RSPO2: variants seen among roughly 807,000 people sequenced by gnomAD.
RSPO2 encodes R-spondin-2.
A neutral mutation model predicts 30.9 loss-of-function variants in RSPO2; 14 were observed. The ratio of observed to expected loss-of-function variants is 0.45; its 90% CI spans 0.30 to 0.71. RSPO2 has a LOEUF of 0.71. Ranked by LOEUF, RSPO2 falls within the 30% of genes least tolerant of loss-of-function variation. The pLI is 0.08. For synonymous variants in RSPO2, 107 were observed against 96.4 expected (o/e 1.11, Z -0.64); for missense variants, 264 against 301.9 (o/e 0.87, Z 0.93).
intron 2 of RSPO2, among the ~76,000 whole-genome samples, chr8:108,020,628 T>A (rs1212591953): frequency 6.6e-6 from 1 of 152,236 alleles, no homozygotes; most frequent in African/African-American, 2.4e-5. Context: ...CTCTTTTTCA[T>A]ACATCTGTTT....
chr8:107,994,976 C>T (rs1814966146), intron 2 of RSPO2, among the ~76,000 whole-genome samples: 1 of 152,070 alleles, frequency 6.6e-6, no homozygotes, highest in Admixed American at 6.6e-5. Context: ...AGAGAGTCTT[C>T]CTTCTTCCCC....
At chr8:108,041,121 GAGA>G (rs767138575) in intron 2 of RSPO2, among the ~76,000 whole-genome samples, 14 of 147,524 alleles carry the variant, frequency 9.5e-5, no homozygotes, top group Non-Finnish European at 1.5e-4. Context: ...TTAAGCAATT[GAGA>G]AGGAGATCCC....
At chr8:108,032,182 AAGAAT>A (rs1327591081) in intron 2 of RSPO2, among the ~76,000 whole-genome samples, 3 of 152,188 alleles carry the variant, frequency 2.0e-5, no homozygotes, top group Admixed American at 1.3e-4. Context: ...ATAGGAAAAC[AAGAAT>A]AGAAAAGGAA....
intron 5 of RSPO2, among the ~76,000 whole-genome samples, chr8:107,945,178 G>A (rs1331401043): frequency 6.7e-6 from 1 of 148,904 alleles, no homozygotes; most frequent in African/African-American, 2.5e-5. Flanking sequence ...GCCAATCTAT[G>A]AGATTCAATT....
At chr8:107,901,236 C>A in intron 5 of RSPO2, 46 bp from the exon 6 acceptor site, 1 of 1,556,020 alleles carries the variant, frequency 6.4e-7, no homozygotes. Flanking sequence ...ATGGCTCTTT[C>A]TCTAGGAAAG....
At chr8:108,008,446 G>C (rs1171795151) in intron 2 of RSPO2, among the ~76,000 whole-genome samples, 2 of 151,888 alleles carry the variant, frequency 1.3e-5, no homozygotes, top group African/African-American at 2.4e-5. Flanking sequence ...CTCCACAAAG[G>C]GCAGAAGACA....
At chr8:107,983,594 C>T (rs758098469) in intron 3 of RSPO2, 1 of 1,595,874 alleles carries the variant, frequency 6.3e-7, no homozygotes, top group Admixed American at 1.7e-5. Flanking sequence ...GGAAGTAAAG[C>T]CCCAAAAGAC....
intron 5 of RSPO2, among the ~76,000 whole-genome samples, chr8:107,902,953 C>G (rs1382849191): frequency 6.6e-6 from 1 of 151,880 alleles, no homozygotes; most frequent in East Asian, 1.9e-4. Flanking sequence ...TTAATCCTAC[C>G]CCATGAAACC....
chr8:108,002,784 G>A (rs1159611211), intron 2 of RSPO2, among the ~76,000 whole-genome samples: 1 of 152,168 alleles, frequency 6.6e-6, no homozygotes, highest in Non-Finnish European at 1.5e-5. Context: ...TTTTACCACT[G>A]TGTTTTAAAA....
intron 2 of RSPO2, among the ~76,000 whole-genome samples, chr8:108,025,632 C>T (rs889198843): frequency 6.6e-6 from 1 of 152,018 alleles, no homozygotes; most frequent in Non-Finnish European, 1.5e-5. Context: ...CTCTAGCAAT[C>T]CTCCCACCTC....
chr8:107,983,850 T>C, intron 3 of RSPO2: 3 of 1,591,360 alleles, frequency 1.9e-6, no homozygotes, highest in Non-Finnish European at 2.6e-6. Flanking sequence ...CTGGCAGAAG[T>C]TTGCAGCAAA....
chr8:107,948,104 G>T (rs1026286192), intron 5 of RSPO2, among the ~76,000 whole-genome samples: 1 of 152,194 alleles, frequency 6.6e-6, no homozygotes, highest in Admixed American at 6.5e-5. Flanking sequence ...CTGTAACAAT[G>T]TCATCTTTAC....
chr8:107,988,932 T>G (rs1814745344), intron 3 of RSPO2, 124 bp downstream of exon 3: 3 of 901,054 alleles, frequency 3.3e-6, no homozygotes, highest in Non-Finnish European at 4.8e-6. Flanking sequence ...CCAGCAAGCT[T>G]AAACTATTTC....
At chr8:108,077,928 G>A (rs901621827) in intron 2 of RSPO2, among the ~76,000 whole-genome samples, 3 of 152,178 alleles carry the variant, frequency 2.0e-5, no homozygotes, top group African/African-American at 7.2e-5. Context: ...AATAAAATCT[G>A]TCTGTCCCCT....
intron 2 of RSPO2, among the ~76,000 whole-genome samples, chr8:108,014,102 A>G (rs547119210): frequency 2.5e-4 from 38 of 152,318 alleles, no homozygotes; most frequent in African/African-American, 9.1e-4. Context: ...CCTCATCATC[A>G]CTGGTCATTA....
At chr8:107,969,791 C>A (rs952449824) in intron 3 of RSPO2, among the ~76,000 whole-genome samples, 8 of 152,124 alleles carry the variant, frequency 5.3e-5, no homozygotes, top group Non-Finnish European at 7.4e-5. Flanking sequence ...TATCTCATAT[C>A]AGATTTTAAA....
intron 5 of RSPO2, among the ~76,000 whole-genome samples, chr8:107,908,035 A>G (rs1364417297): frequency 6.6e-6 from 1 of 152,144 alleles, no homozygotes; most frequent in Admixed American, 6.6e-5. Context: ...TTACAAATGA[A>G]CTGTATTCAG....
At chr8:107,995,668 T>C (rs1296569474) in intron 2 of RSPO2, among the ~76,000 whole-genome samples, 4 of 152,128 alleles carry the variant, frequency 2.6e-5, no homozygotes, top group Non-Finnish European at 4.4e-5. Context: ...ACAATTCCAA[T>C]AGCCTAGGTT....
At chr8:107,989,919 T>G (rs1344888979) in intron 2 of RSPO2, among the ~76,000 whole-genome samples, 3 of 152,090 alleles carry the variant, frequency 2.0e-5, no homozygotes, top group African/African-American at 7.2e-5. Context: ...TACCTTAACA[T>G]CAAGATGAAC....
Sources: allele counts gnomAD v4.1 joint callset (sites outside exome capture counted in the v4.1 genomes callset), GRCh38; gene constraint gnomAD v4.1.1; transcripts MANE v1.5; gene names NCBI Gene and HGNC (gene_info 2026-07-23, HGNC 2026-07-21).